The following SHPRH variants were observed in gnomAD, a reference collection of about 807,000 sequenced individuals.
SHPRH encodes the protein SNF2 histone linker PHD RING helicase, also known as E3 ubiquitin-protein ligase SHPRH.
Under a neutral mutation model 202.5 loss-of-function variants are expected in SHPRH, and 106 were observed. The observed-to-expected ratio is 0.52, with a 90% CI of 0.45 to 0.62. The LOEUF is 0.62. SHPRH is among the 20% of genes least tolerant of loss of function. The pLI, the probability that SHPRH is intolerant of heterozygous loss-of-function variation, is 0.00. For missense variants in SHPRH, 1,710 were observed against 2,020.0 expected, an observed-to-expected ratio of 0.85 and a Z score of 2.94; for synonymous variants, 729 against 686.0, an observed-to-expected ratio of 1.06 and a Z score of -0.98.
chr6:145,945,356 T>A, intron 8 of SHPRH, 25 bp downstream of exon 8: 1 of 1,592,134 alleles, frequency 6.3e-7, no homozygotes, highest in Non-Finnish European at 8.5e-7. Flanking sequence ...GTACTTAATA[T>A]AGAGCTGAAC....
chr6:145,878,436 G>A (rs781510828), intron 2 of SHPRH, among the ~76,000 whole-genome samples: 3 of 152,076 alleles, frequency 2.0e-5, no homozygotes, highest in Non-Finnish European at 4.4e-5. Context: ...TAAAAATCCC[G>A]TTTTGTTTAT....
intron 11 of SHPRH, among the ~76,000 whole-genome samples, chr6:145,936,925 A>G (rs1786137384): frequency 6.6e-6 from 1 of 151,608 alleles, no homozygotes; most frequent in African/African-American, 2.4e-5. Flanking sequence ...AGCCGTCTCA[A>G]ACTCAACTTG....
chr6:145,921,770 A>G (rs181616183), intron 20 of SHPRH, among the ~76,000 whole-genome samples: 56 of 152,156 alleles, frequency 3.7e-4, no homozygotes, highest in Non-Finnish European at 6.5e-4. Flanking sequence ...TTCAGTAATA[A>G]CAGAAAAAGA....
intron 2 of SHPRH, among the ~76,000 whole-genome samples, chr6:145,954,426 T>C (rs1179755472): frequency 3.9e-5 from 6 of 152,088 alleles, no homozygotes; most frequent in Non-Finnish European, 1.5e-5. Context: ...GATAAATGGT[T>C]AAATGACTGC....
chr6:145,898,952 CAGGTGTGCACCA>C (rs1782252619), intron 25 of SHPRH, among the ~76,000 whole-genome samples: 1 of 152,062 alleles, frequency 6.6e-6, no homozygotes, highest in South Asian at 2.1e-4. Context: ...GCTGGGACTA[CAGGTGTGCACCA>C]CCACACCTGG....
rs148249684 is a variant in SHPRH, at chr6:145,925,414, A to G, written c.3295-568T>C. On this transcript the variant is annotated intron_variant, in intron 16 of 29. Transcript: ENST00000275233. Reference sequence around the variant, plus strand: ...AGAGGTAATTGATTTAGTTTGATTTAGCTATTCTAGTGTCTACATACATCA... The same window carrying G: ...AGAGGTAATTGATTTAGTTTGATTTGGCTATTCTAGTGTCTACATACATCA... Among the ~76,000 whole-genome samples, 307 of 151,690 alleles carry G rather than the reference A, an allele frequency of 2.0e-3. 2 individuals carry two copies. The highest frequency in any genetic ancestry group is 7.0e-3 in the African/African-American group (288 of 41,412).
In SHPRH at chr6:145,945,439, G is replaced by A. The variant is rs529771560; in HGVS notation, c.1520C>T (p.Thr507Ile). ...CTTGTAATTCTTTCCCAATGTAAAA[G>A]TCCCAGAAAAACCATGGCCTTTGAT... ...KQIKGHGFSG[T>I]FTLGKNYKEE... Residue 507 changes from threonine to isoleucine, a missense_variant, in exon 8 of 30, where the codon ACT becomes ATT. Thr to Ile is a moderately conservative substitution (Grantham distance 89, BLOSUM62 -1). Transcript: ENST00000275233. 2 of 1,612,884 alleles carry A rather than the reference G, an allele frequency of 1.2e-6. No homozygotes were observed. Among genetic ancestry groups the A allele is most frequent in the African/African-American group, 2.7e-5 (2 of 74,892 alleles).
At chr6:145,889,823 G>C (rs1431719438) in intron 28 of SHPRH, among the ~76,000 whole-genome samples, 2 of 152,102 alleles carry the variant, frequency 1.3e-5, no homozygotes, top group Non-Finnish European at 2.9e-5. Context: ...TGGAGTCCAG[G>C]ACAAATGAAT....
chr6:145,951,740 C>T (rs1397637058), intron 3 of SHPRH: 6 of 453,824 alleles, frequency 1.3e-5, no homozygotes, highest in South Asian at 1.6e-5. Flanking sequence ...TTTTCAAATA[C>T]TCCAGTATGA....
At chr6:145,903,220 C>G (rs1424873453) in intron 25 of SHPRH, 2 of 151,104 alleles carry the variant, frequency 1.3e-5, no homozygotes, top group African/African-American at 4.9e-5. Flanking sequence ...TATTTTATTC[C>G]TATTTTAAAC....
chr6:145,865,117 C>T (rs1779719491), intron 2 of SHPRH, among the ~76,000 whole-genome samples: 1 of 152,114 alleles, frequency 6.6e-6, no homozygotes. Flanking sequence ...ATCTCAGGTA[C>T]CTGGCTTAAG....
Position 145,943,687 on chromosome 6 carries a change from T to C in SHPRH, c.1694A>G (p.Tyr565Cys). ...TSDDDDDPYY[Y>C]YYKSRRNRSK... ...GCGATTTCTCCTGGACTTATAATAA[T>C]AATAGTAAGGATCATCATCATCATC... is the stretch of plus-strand genomic sequence containing the variant. Residue 565 changes from tyrosine (Y) to cysteine (C), a missense_variant, in exon 9 of 30, where the codon TAT becomes TGT. By Grantham distance (194) the Tyr-to-Cys change is radical. Around this residue, in one of 8 missense-constraint regions of SHPRH, gnomAD observed 348 missense variants for 356.9 expected, o/e 0.97. Transcript: ENST00000275233. 1 of 1,613,860 alleles carries C rather than the reference T, an allele frequency of 6.2e-7. No individual in the cohort carries two copies.
chr6:145,880,697 G>A (rs771011452), downstream of SHPRH, among the ~76,000 whole-genome samples: 6 of 150,846 alleles, frequency 4.0e-5, no homozygotes, highest in Non-Finnish European at 8.9e-5. Flanking sequence ...TGCAAAGCAA[G>A]CCTGGCACGT....
At position 145,960,793 on chromosome 6, in the gene SHPRH, T is replaced by A. The variant is rs1460271209; in HGVS notation, c.-33+2938A>T. On this transcript the variant is annotated intron_variant, in intron 1 of 29. Transcript: ENST00000275233. Reference sequence around the variant, plus strand: ...CTACTTATCATCATCCTGAGAACACTCTAAACCAGCAGTTCCCAACCTTTT... The same window carrying A: ...CTACTTATCATCATCCTGAGAACACACTAAACCAGCAGTTCCCAACCTTTT... Among the ~76,000 whole-genome samples, 4 of 152,150 alleles carry A rather than the reference T, an allele frequency of 2.6e-5. No homozygotes were observed. The East Asian group carries it at 7.7e-4, about 29-fold the overall frequency.
At chr6:145,960,347 C>T (rs1788961217) in intron 1 of SHPRH, among the ~76,000 whole-genome samples, 1 of 152,134 alleles carries the variant, frequency 6.6e-6, no homozygotes, top group Non-Finnish European at 1.5e-5. Flanking sequence ...TATACTACAC[C>T]TCTTTACTAG....
intron 3 of SHPRH, chr6:145,951,869 A>G (rs1426442634): frequency 2.2e-6 from 1 of 456,022 alleles, no homozygotes; most frequent in Admixed American, 2.3e-5. Flanking sequence ...CACTCTCCCA[A>G]GGTGACCAAT....
chr6:145,862,166 C>T (rs1779599725), downstream of SHPRH, among the ~76,000 whole-genome samples: 1 of 151,978 alleles, frequency 6.6e-6, no homozygotes, highest in African/African-American at 2.4e-5. Flanking sequence ...GTTAAATGCT[C>T]TTACCAAAAA....
At chr6:145,932,012 T>C (rs1194474803) in intron 14 of SHPRH, among the ~76,000 whole-genome samples, 3 of 151,910 alleles carry the variant, frequency 2.0e-5, no homozygotes, top group Non-Finnish European at 4.4e-5. Context: ...TGTTGGAGAG[T>C]TTCTATTGCT....
intron 19 of SHPRH, 97 bp from the exon 20 acceptor site, chr6:145,922,445 C>T (rs6917482): frequency 0.59 from 806,832 of 1,367,204 alleles, 240,080 homozygotes; most frequent in Admixed American, 0.74. Context: ...TTTTTCTTTC[C>T]ACTAGATATG....
Sources: gnomAD v4.1 joint callset for allele counts (sites outside exome capture counted in the v4.1 genomes callset) on GRCh38, gnomAD v4.1.1 for gene constraint, gnomAD v4.1.1 regional missense constraint, MANE v1.5 for transcripts, NCBI Gene and HGNC (gene_info 2026-07-23, HGNC 2026-07-21) for gene names.